Variants in ING3 observed in about 807,000 individuals in gnomAD.
ING3 encodes inhibitor of growth family member 3.
In ING3, 6 loss-of-function variants were observed where a neutral mutation model predicts 64.8. The observed-to-expected ratio is 0.09, with a 90% CI of 0.05 to 0.18. ING3 has a LOEUF of 0.18. Ranked by LOEUF, ING3 falls within the 10% of genes least tolerant of loss-of-function variation. The probability of loss-of-function intolerance (pLI) is 1.00; values close to 1 mark genes in which losing one functional copy is unlikely to be tolerated. For synonymous variants in ING3, 170 were observed against 173.7 expected (o/e 0.98, Z 0.17); for missense variants, 310 against 489.7 (o/e 0.63, Z 3.46).
At chr7:120,960,689 A>G (rs1795919545) in intron 4 of ING3, among the ~76,000 whole-genome samples, 1 of 152,216 alleles carries the variant, frequency 6.6e-6, no homozygotes, top group South Asian at 2.1e-4. Flanking sequence ...ATTATCAATG[A>G]AGAAATTTGT....
chr7:120,968,739 G>A lies in ING3; in HGVS notation c.715-272G>A, dbSNP rs10464662. Among the ~76,000 whole-genome samples, 236 of 150,976 alleles carry A rather than the reference G, an allele frequency of 1.6e-3. 1 individual carries two copies. Among genetic ancestry groups the A allele is most frequent in the African/African-American group, 5.5e-3 (227 of 41,068 alleles). On this transcript the variant is annotated intron_variant, in intron 8 of 11. Transcript: ENST00000315870. ...TGGGTGCCTGTAATCCCAGCTACTC[G>A]GTAGGCTATGGCAGGAGAATTGCTT...
At chr7:120,951,323 C>A in intron 2 of ING3, 88 bp downstream of exon 2, 1 of 1,265,010 alleles carries the variant, frequency 7.9e-7, no homozygotes, top group Non-Finnish European at 1.2e-6. Flanking sequence ...AGTGCTCTTT[C>A]ACTGTCCTCT....
chr7:120,956,902 T>G, intron 4 of ING3: 1 of 733,742 alleles, frequency 1.4e-6, no homozygotes, highest in Non-Finnish European at 1.7e-6. Context: ...TTTGTTGTTT[T>G]ATTGCTTGTT....
At chr7:120,956,222 T>C (rs1275180623) in intron 4 of ING3, 14 of 1,598,296 alleles carry the variant, frequency 8.8e-6, no homozygotes, top group Middle Eastern at 1.7e-4. Flanking sequence ...TTTCTCATAT[T>C]GATGCAATTG....
chr7:120,970,899 T>C lies in ING3; in HGVS notation c.1101+19T>C, dbSNP rs1796062363. The stretch of plus-strand genomic sequence containing the variant: ...TAATCAGGTAAAAGTCTGTTATATC[T>C]ATAAAAGTATAATCTGAATAAACTA... On this transcript the variant is annotated intron_variant, in intron 10 of 11. Coordinates refer to ENST00000315870, the MANE Select transcript of ING3 (RefSeq NM_019071.3). 6.6e-7 allele frequency: 1 copy of C among 1,521,224 alleles called. No homozygotes were observed. The highest frequency in any genetic ancestry group is 9.1e-7 in the Non-Finnish European group (1 of 1,097,006). The allele number at this position is 1,521,224 out of a possible 1,614,324, so 94.2% of individuals were successfully genotyped here. A position where few individuals can be genotyped will look rare whatever the true frequency, so the allele number is the denominator to read the frequency against.
At chr7:120,967,876 G>T (rs1209824935) in intron 7 of ING3, 58 bp from the exon 8 acceptor site, 92 of 1,536,830 alleles carry the variant, frequency 6.0e-5, no homozygotes, top group Non-Finnish European at 8.1e-5. Flanking sequence ...ATGTAATTTA[G>T]ACTCACTAAC....
chr7:120,950,990 G>T (rs1028232715), intron 1 of ING3, 66 bp downstream of exon 1: 24 of 1,586,740 alleles, frequency 1.5e-5, no homozygotes, highest in East Asian at 2.2e-5. Flanking sequence ...GCGAGTGGAC[G>T]GGCAGCGAGA....
At position 120,953,318 on chromosome 7, in the gene ING3, C is replaced by A; in HGVS notation, c.115C>A (p.Leu39Ile). The change falls in exon 3 of 12, where the codon CTA becomes ATA. Residue 39 changes from leucine to isoleucine, a missense_variant. Leu to Ile is a conservative substitution (Grantham distance 5). Around this residue, in one of 3 missense-constraint regions of ING3, gnomAD observed 53 missense variants for 116.2 expected, o/e 0.46. Transcript: ENST00000315870. ...TTATGTCATAGATGCAATGGATCAACTAGAACAAAGAGTCAGTGAATTCTT... is the reference window on the plus strand; with the variant it reads ...TTATGTCATAGATGCAATGGATCAAATAGAACAAAGAGTCAGTGAATTCTT... Reference protein sequence around the residue: ...DLQVQNAMDQLEQRVSEFFMN... With the variant: ...DLQVQNAMDQIEQRVSEFFMN... 1 of 1,595,422 alleles carries A rather than the reference C, an allele frequency of 6.3e-7. No homozygotes were observed.
At chr7:120,973,548 C>A (rs1040420540) in intron 11 of ING3, among the ~76,000 whole-genome samples, 1 of 152,074 alleles carries the variant, frequency 6.6e-6, no homozygotes, top group African/African-American at 2.4e-5. Flanking sequence ...TTACTAGAAT[C>A]CAGTTCATTT....
rs1796126157 is a variant in ING3, at chr7:120,975,662, T to C, written c.*818T>C. 2 of 152,166 alleles carry C rather than the reference T, an allele frequency of 1.3e-5. No homozygotes were observed. Among genetic ancestry groups the C allele is most frequent in the Non-Finnish European group, 2.9e-5 (2 of 68,018 alleles). The allele number at this position is 152,166 out of a possible 1,614,324, so 9.4% of individuals were successfully genotyped here. On this transcript the variant is annotated 3_prime_UTR_variant, in exon 12 of 12. Transcript: ENST00000315870. ...AATAAAGTTTTTAAAAAATTACTTG[T>C]ATTTATACTTTACATACTTAATAAT...
At chr7:120,966,766 CT>C in intron 6 of ING3, 69 bp downstream of exon 6, 1 of 1,075,586 alleles carries the variant, frequency 9.3e-7, no homozygotes, top group Non-Finnish European at 1.4e-6. Context: ...TATATGTTCT[CT>C]TTTTTTAACT....
chr7:120,951,314 G>A (rs2116642807), intron 2 of ING3, 79 bp downstream of exon 2: 1 of 1,362,886 alleles, frequency 7.3e-7, no homozygotes, highest in South Asian at 1.2e-5. Context: ...CTAGCGCCTA[G>A]TGCTCTTTCA....
chr7:120,955,425 C>G (rs1179672552), intron 3 of ING3, 134 bp from the exon 4 acceptor site: 3 of 633,246 alleles, frequency 4.7e-6, no homozygotes, highest in Non-Finnish European at 8.0e-6. Flanking sequence ...CCCCTGGCCT[C>G]TAACAGGTTT....
intron 10 of ING3, among the ~76,000 whole-genome samples, chr7:120,972,954 C>T (rs574004649): frequency 1.3e-5 from 2 of 152,142 alleles, no homozygotes; most frequent in South Asian, 2.1e-4. Flanking sequence ...CTCCTTCATC[C>T]GGGTGATTTA....
At chr7:120,951,040 A>G in intron 1 of ING3, 116 bp downstream of exon 1, 1 of 1,513,418 alleles carries the variant, frequency 6.6e-7, no homozygotes, top group Non-Finnish European at 9.2e-7. Context: ...TTTCTTTCTC[A>G]CGGTAACTGG....
chr7:120,952,854 T>C (rs1280441751), intron 2 of ING3, among the ~76,000 whole-genome samples: 2 of 152,124 alleles, frequency 1.3e-5, no homozygotes, highest in African/African-American at 4.8e-5. Context: ...TGATTGTACC[T>C]ACTACTTTCA....
intron 4 of ING3, among the ~76,000 whole-genome samples, chr7:120,962,047 G>A (rs572930192): frequency 6.6e-6 from 1 of 152,276 alleles, no homozygotes; most frequent in Non-Finnish European, 1.5e-5. Context: ...TAGAAGAGGT[G>A]CTGTAACCGT....
Position 120,976,412 on chromosome 7 carries a change from G to T in ING3, c.*1568G>T, listed in dbSNP as rs901056882. On this transcript the variant is annotated 3_prime_UTR_variant, in exon 12 of 12. Coordinates refer to ENST00000315870, the MANE Select transcript of ING3 (RefSeq NM_019071.3). ...CACCTTTGAGATCCCATGATTCTGA[G>T]CTGCCACAGTCTGATTATACAACTC... 4.3e-4 allele frequency: 65 copies of T among 152,188 alleles called. No individual in the cohort carries two copies. Among genetic ancestry groups the T allele is most frequent in the African/African-American group, 1.5e-3 (64 of 41,538 alleles). The allele number at this position is 152,188 out of a possible 1,614,324, so 9.4% of individuals were successfully genotyped here.
At chr7:120,974,289 G>A (rs1796107477) in intron 11 of ING3, among the ~76,000 whole-genome samples, 1 of 152,130 alleles carries the variant, frequency 6.6e-6, no homozygotes, top group South Asian at 2.1e-4. Context: ...CACCCACGTA[G>A]GAAATGCAGG....
Sources: allele counts gnomAD v4.1 joint callset (sites outside exome capture counted in the v4.1 genomes callset), GRCh38; gene constraint gnomAD v4.1.1; regional missense constraint gnomAD v4.1.1; transcripts MANE v1.5; gene names NCBI Gene and HGNC (gene_info 2026-07-23, HGNC 2026-07-21).